GOLIM4: variants seen among roughly 807,000 people sequenced by gnomAD.
GOLIM4 encodes golgi integral membrane protein 4.
Under a neutral mutation model 107.4 loss-of-function variants are expected in GOLIM4, and 71 were observed. That is an observed-to-expected ratio of 0.66 (90% confidence interval 0.55 to 0.81). The LOEUF is 0.81. Among genes scored for constraint, GOLIM4 ranks in the 30% least tolerant of loss-of-function variants. The probability of loss-of-function intolerance (pLI) is 0.00; values close to 1 mark genes in which losing one functional copy is unlikely to be tolerated. For missense variants in GOLIM4, 830 were observed against 826.1 expected, an observed-to-expected ratio of 1.00 and a Z score of -0.06; for synonymous variants, 327 against 294.8, an observed-to-expected ratio of 1.11 and a Z score of -1.12.
intron 1 of GOLIM4, among the ~76,000 whole-genome samples, chr3:168,061,804 C>T (rs943206264): frequency 1.3e-5 from 2 of 152,074 alleles, no homozygotes; most frequent in Admixed American, 6.5e-5. Flanking sequence ...ATGGGGGCAG[C>T]GGTCGGGCAA....
At chr3:168,045,342 T>A (rs1304131838) in intron 3 of GOLIM4, among the ~76,000 whole-genome samples, 1 of 152,326 alleles carries the variant, frequency 6.6e-6, no homozygotes, top group South Asian at 2.1e-4. Flanking sequence ...TTTCTTTCCC[T>A]GAACTTCAGC....
In GOLIM4 at chr3:168,036,695, G is replaced by A. The variant is rs967389122; in HGVS notation, c.843+141C>T. ...GACCCAGTAATCTGTGTTTTATCAC[G>A]CCCTACTGGCAATTCTGATATACTA... On this transcript the variant is annotated intron_variant, in intron 8 of 15. Coordinates refer to ENST00000470487, the MANE Select transcript of GOLIM4 (RefSeq NM_014498.5). 6.6e-6 allele frequency: 4 copies of A among 610,048 alleles called. No individual in the cohort carries two copies. The highest frequency in any genetic ancestry group is 8.7e-6 in the Non-Finnish European group (3 of 345,068). 37.8% of individuals were successfully genotyped at this position (610,048 alleles called of 1,614,324 possible).
intron 1 of GOLIM4, among the ~76,000 whole-genome samples, chr3:168,072,386 A>G (rs1270905737): frequency 6.6e-6 from 1 of 152,046 alleles, no homozygotes; most frequent in Admixed American, 6.5e-5. Context: ...TTAAAAAAAA[A>G]AAAAAAAAGG....
At chr3:168,019,636 A>G (rs1248241627) in intron 14 of GOLIM4, among the ~76,000 whole-genome samples, 1 of 152,232 alleles carries the variant, frequency 6.6e-6, no homozygotes, top group East Asian at 1.9e-4. Flanking sequence ...TTGCTTCTTT[A>G]TATCACTTAA....
At chr3:168,036,003 A>T (rs1285520332) in intron 8 of GOLIM4, among the ~76,000 whole-genome samples, 1 of 152,222 alleles carries the variant, frequency 6.6e-6, no homozygotes, top group African/African-American at 2.4e-5. Flanking sequence ...TAGGAGTGTC[A>T]AACAGGTCAT....
intron 1 of GOLIM4, among the ~76,000 whole-genome samples, chr3:168,092,037 T>C (rs1273177974): frequency 6.6e-6 from 1 of 152,228 alleles, no homozygotes; most frequent in Non-Finnish European, 1.5e-5. Flanking sequence ...AAGCCTGGGT[T>C]CCACCCCCCA....
chr3:168,029,879 CGTA>C lies in GOLIM4; in HGVS notation c.1331_1333del (p.Leu444del). 1 of 1,614,116 alleles carries C rather than the reference CGTA, an allele frequency of 6.2e-7. No individual in the cohort carries two copies. Among genetic ancestry groups the C allele is most frequent in the Non-Finnish European group, 8.5e-7 (1 of 1,180,032 alleles). On this transcript the variant is annotated inframe_deletion, in exon 10 of 16. Coordinates refer to ENST00000470487, the MANE Select transcript of GOLIM4 (RefSeq NM_014498.5). ...CTGCTGCTGCTGCTGTTCCTGCTGC[CGTA>C]GTAAGTGCCCCTGCAGCCTCTGCTG... is the stretch of plus-strand genomic sequence containing the variant.
intron 1 of GOLIM4, among the ~76,000 whole-genome samples, chr3:168,085,508 T>A (rs1431551149): frequency 1.3e-5 from 2 of 152,184 alleles, no homozygotes; most frequent in Admixed American, 6.5e-5. Flanking sequence ...ACCCACAAAC[T>A]TTTTGAGAAG....
intron 14 of GOLIM4, among the ~76,000 whole-genome samples, chr3:168,017,549 A>AT (rs1230870571): frequency 6.6e-6 from 1 of 152,174 alleles, no homozygotes; most frequent in Non-Finnish European, 1.5e-5. Flanking sequence ...AACTGTAGAA[A>AT]TTTGAGAGCT....
intron 14 of GOLIM4, among the ~76,000 whole-genome samples, chr3:168,011,454 G>A (rs1374128220): frequency 2.6e-5 from 4 of 152,060 alleles, no homozygotes; most frequent in African/African-American, 7.3e-5. Context: ...CAAGGCGGCA[G>A]CAAGGCTGGG....
rs1716838260 is a variant in GOLIM4, at chr3:168,009,122, AG to A, written c.*1146del. 1 of 152,062 alleles carries A rather than the reference AG, an allele frequency of 6.6e-6. No homozygotes were observed. Among genetic ancestry groups the A allele is most frequent in the South Asian group, 2.1e-4 (1 of 4,818 alleles). The allele number at this position is 152,062 out of a possible 1,614,324, so 9.4% of individuals were successfully genotyped here. ...TTGCAACTGAAATGTCTCTACTCCA[AG>A]GGAAGTTTCTGATTTTTAATTTTCT... On this transcript the variant is annotated 3_prime_UTR_variant, in exon 16 of 16. Coordinates refer to ENST00000470487, the MANE Select transcript of GOLIM4 (RefSeq NM_014498.5).
intron 4 of GOLIM4, among the ~76,000 whole-genome samples, chr3:168,044,333 C>T (rs779659920): frequency 4.6e-5 from 7 of 152,198 alleles, no homozygotes; most frequent in African/African-American, 7.2e-5. Context: ...AAACAATGAT[C>T]CTCTTCCTGA....
intron 11 of GOLIM4, among the ~76,000 whole-genome samples, chr3:168,028,395 T>C (rs999330704): frequency 9.9e-5 from 15 of 152,122 alleles, no homozygotes; most frequent in Middle Eastern, 3.2e-3. Context: ...TGAAAAAATA[T>C]TTAGATAAAG....
chr3:168,050,857 TAATAATAATAATAAAAC>T (rs1719596907), intron 1 of GOLIM4, among the ~76,000 whole-genome samples: 1 of 126,528 alleles, frequency 7.9e-6, no homozygotes, highest in South Asian at 2.5e-4. Context: ...ATAATAATAA[TAATAATAATAATAAAAC>T]CTAGCAGCAT....
At chr3:168,055,799 C>G (rs9840979) in intron 1 of GOLIM4, among the ~76,000 whole-genome samples, 12,170 of 99,486 alleles carry the variant, frequency 0.12, 1,725 homozygotes, top group African/African-American at 0.37. Context: ...AAGACTCTGT[C>G]TCAAAAAAAA....
rs1250577970 is a variant in GOLIM4, at chr3:168,024,995, T to C, written c.1724A>G (p.Asp575Gly). The change falls in exon 13 of 16, where the codon GAT becomes GGT. Residue 575 changes from aspartate to glycine, a missense_variant. Coordinates refer to ENST00000470487, the MANE Select transcript of GOLIM4 (RefSeq NM_014498.5). ...ACTTTGTTTTTGCTCTTCATTTTCA[T>C]CTGGCAAATTTTCTTCTCTCACTTG... ...AEQVREENLP[D>G]ENEEQKQSNQ... 3 of 1,613,926 alleles carry C rather than the reference T, an allele frequency of 1.9e-6. No homozygotes were observed. The highest frequency in any genetic ancestry group is 2.7e-5 in the African/African-American group (2 of 74,930).
chr3:168,088,402 TAA>T (rs1721733091), intron 1 of GOLIM4, among the ~76,000 whole-genome samples: 1 of 152,190 alleles, frequency 6.6e-6, no homozygotes, highest in Non-Finnish European at 1.5e-5. Flanking sequence ...ATGGTAGTAG[TAA>T]TATTCTCCAG....
chr3:168,016,294 C>G (rs1278751294), intron 14 of GOLIM4, among the ~76,000 whole-genome samples: 1 of 134,862 alleles, frequency 7.4e-6, no homozygotes, highest in Non-Finnish European at 1.5e-5. Context: ...TGAAAAAATG[C>G]TCATCATCAC....
chr3:168,019,276 A>G (rs191027586), intron 14 of GOLIM4, among the ~76,000 whole-genome samples: 2 of 152,354 alleles, frequency 1.3e-5, no homozygotes, highest in African/African-American at 4.8e-5. Context: ...AGCTATTTCA[A>G]TATTGCCACA....
Sources: allele counts gnomAD v4.1 joint callset (sites outside exome capture counted in the v4.1 genomes callset), GRCh38; gene constraint gnomAD v4.1.1; transcripts MANE v1.5; gene names NCBI Gene and HGNC (gene_info 2026-07-23, HGNC 2026-07-21).